The following SETDB2 variants were observed in gnomAD, a reference collection of about 807,000 sequenced individuals.
The protein encoded by SETDB2 is SET domain bifurcated histone lysine methyltransferase 2.
In SETDB2, 56 loss-of-function variants were observed where a neutral mutation model predicts 82.5. That is an observed-to-expected ratio of 0.68 (90% CI 0.55 to 0.85). The LOEUF (loss-of-function observed/expected upper bound fraction) is 0.85. Among genes scored for constraint, SETDB2 ranks in the 40% least tolerant of loss-of-function variants. The probability of loss-of-function intolerance (pLI) is 0.00; values close to 1 mark genes in which losing one functional copy is unlikely to be tolerated. For synonymous variants in SETDB2, 272 were observed against 284.9 expected, an observed-to-expected ratio of 0.95 and a Z score of 0.46; for missense variants, 677 against 816.4, an observed-to-expected ratio of 0.83 and a Z score of 2.08.
chr13:49,476,761 G>A lies in SETDB2; in HGVS notation c.591G>A (p.Leu197=), dbSNP rs749995727. 1 of 1,614,094 alleles carries A rather than the reference G, an allele frequency of 6.2e-7. No homozygotes were observed. The highest frequency in any genetic ancestry group is 1.1e-5 in the South Asian group (1 of 91,080). Residue 197 remains leucine (L), a synonymous_variant, in exon 6 of 14, where the codon CTG becomes CTA. Transcript: ENST00000611815. ...LRNVEEVFRY[L]LETECNFLFT... is the part of the protein sequence containing the mutation. ...ACGTGGAGGAAGTTTTTCGTTACCT[G>A]CTTGAGACAGAGTGTAACTTTTTAT...
In SETDB2 at chr13:49,492,865, G is replaced by A. The variant is rs1958739135; in HGVS notation, c.*1016G>A. 1 of 152,108 alleles carries A rather than the reference G, an allele frequency of 6.6e-6. No homozygotes were observed. The highest frequency in any genetic ancestry group is 2.4e-5 in the African/African-American group (1 of 41,394). 9.4% of individuals were successfully genotyped at this position (152,108 alleles called of 1,614,324 possible). On this transcript the variant is annotated 3_prime_UTR_variant, in exon 14 of 14. Coordinates refer to ENST00000611815, the MANE Select transcript of SETDB2 (RefSeq NM_001160308.3). ...TCTCAGCTACTCAGGAGTGAGGTGG[G>A]AGGATCATTTGAGCTCAGAAGGTCA...
intron 12 of SETDB2, chr13:49,488,871 A>T (rs1958646209): frequency 5.0e-6 from 2 of 403,906 alleles, no homozygotes; most frequent in Admixed American, 8.6e-5. Context: ...ATTAACATTA[A>T]GTGCTTAGAA....
intron 6 of SETDB2, 31 bp from the exon 7 acceptor site, chr13:49,480,188 A>G (rs1368278928): frequency 6.9e-7 from 1 of 1,440,302 alleles, no homozygotes; most frequent in Admixed American, 2.0e-5. Context: ...CTGCTTTTTC[A>G]TTCTTTCTCC....
chr13:49,488,812 A>G (rs9568221), intron 12 of SETDB2, among the ~76,000 whole-genome samples, 182 bp downstream of exon 12: 17,312 of 152,278 alleles, frequency 0.11, 1,110 homozygotes, highest in Admixed American at 0.17. Context: ...TACCTCTGTA[A>G]TACAGGGATA....
At chr13:49,477,815 A>T (rs1200285230) in intron 6 of SETDB2, among the ~76,000 whole-genome samples, 1 of 152,254 alleles carries the variant, frequency 6.6e-6, no homozygotes, top group East Asian at 1.9e-4. Flanking sequence ...ATTGGGTTAT[A>T]TGTTGCATTT....
intron 3 of SETDB2, among the ~76,000 whole-genome samples, chr13:49,460,636 C>A (rs1957973965): frequency 8.1e-6 from 1 of 124,220 alleles, no homozygotes; most frequent in Non-Finnish European, 2.0e-5. Flanking sequence ...GTTCAGTAAT[C>A]CAAGTTTTTA....
intron 1 of SETDB2, chr13:49,446,522 A>G (rs970504392): frequency 5.5e-6 from 2 of 361,026 alleles, no homozygotes; most frequent in Non-Finnish European, 1.1e-5. Flanking sequence ...GAATATATAC[A>G]TTTGTAATTT....
rs747092267 is a variant in SETDB2 at position 49,485,644 on chromosome 13, G to T, written c.1497G>T (p.Ser499=). The stretch of plus-strand genomic sequence containing the variant: ...GTTTTTTTAAGGAATTTGTTTCCTC[G>T]GAGTCTGTCACTCCAGAAGATAATG... ...HNGKKMEFVS[S]ESVTPEDNDG... The change falls in exon 11 of 14, where the codon TCG becomes TCT. Residue 499 remains serine, a synonymous_variant. Coordinates refer to ENST00000611815, the MANE Select transcript of SETDB2 (RefSeq NM_001160308.3). 1 of 1,611,346 alleles carries T rather than the reference G, an allele frequency of 6.2e-7. No homozygotes were observed. Among genetic ancestry groups the T allele is most frequent in the Non-Finnish European group, 8.5e-7 (1 of 1,179,090 alleles).
intron 12 of SETDB2, among the ~76,000 whole-genome samples, chr13:49,489,984 A>G (rs1457274913): frequency 2.2e-5 from 3 of 133,896 alleles, no homozygotes; most frequent in Non-Finnish European, 3.1e-5. Context: ...TCAAATTAAC[A>G]GTATATTGGG....
intron 4 of SETDB2, among the ~76,000 whole-genome samples, 182 bp downstream of exon 4, chr13:49,461,344 A>G (rs1295454112): frequency 6.6e-6 from 1 of 152,252 alleles, no homozygotes; most frequent in Non-Finnish European, 1.5e-5. Context: ...ATCTAGAGAT[A>G]GTAAATGCAC....
chr13:49,452,111 T>C (rs1369173439), intron 2 of SETDB2, among the ~76,000 whole-genome samples: 1 of 126,652 alleles, frequency 7.9e-6, no homozygotes, highest in African/African-American at 3.6e-5. Context: ...TTTTGTAAAC[T>C]TTTTTTTTTT....
intron 11 of SETDB2, among the ~76,000 whole-genome samples, chr13:49,487,674 A>G (rs1432375097): frequency 6.6e-6 from 1 of 152,170 alleles, no homozygotes. Context: ...TCAAAAAATT[A>G]TTTTCCTTAT....
At chr13:49,481,173 T>C (rs1227817046) in intron 8 of SETDB2, 57 bp downstream of exon 8, 4 of 1,531,976 alleles carry the variant, frequency 2.6e-6, no homozygotes, top group East Asian at 4.5e-5. Context: ...TTTCTAAATA[T>C]CCATTTTCCT....
Position 49,483,446 on chromosome 13 carries a change from CTTTT to C in SETDB2, c.1383-13_1383-10del. The C allele has an allele frequency of 9.2e-7, 1 of 1,082,664 alleles. No homozygotes were observed. Among genetic ancestry groups the C allele is most frequent in the Non-Finnish European group, 1.3e-6 (1 of 755,464 alleles). The allele number at this position is 1,082,664 out of a possible 1,614,324, so 67.1% of individuals were successfully genotyped here. On this transcript the variant is annotated splice_polypyrimidine_tract_variant and intron_variant, in intron 9 of 13. Transcript: ENST00000611815. ...GAGAATTTTTAGTGATACAGAATAA[CTTTT>C]TTTTCCTTTTTAGGGAAACGAAATA... is the stretch of plus-strand genomic sequence containing the variant.
intron 12 of SETDB2, 149 bp downstream of exon 12, chr13:49,488,779 T>G: frequency 1.6e-6 from 1 of 624,510 alleles, no homozygotes. Flanking sequence ...GATGTTTTAC[T>G]TGACCTCTGA....
intron 1 of SETDB2, among the ~76,000 whole-genome samples, chr13:49,448,475 A>G (rs1234677215): frequency 3.3e-5 from 5 of 152,192 alleles, no homozygotes; most frequent in Non-Finnish European, 7.4e-5. Context: ...AGGCTTTGAA[A>G]TGTATTACTT....
intron 6 of SETDB2, among the ~76,000 whole-genome samples, chr13:49,477,857 A>G (rs982040365): frequency 6.6e-6 from 1 of 152,252 alleles, no homozygotes; most frequent in Non-Finnish European, 1.5e-5. Context: ...GGCTAATGTG[A>G]TGCTTATAAC....
At chr13:49,452,294 G>C (rs770906642) in intron 2 of SETDB2, among the ~76,000 whole-genome samples, 1 of 151,950 alleles carries the variant, frequency 6.6e-6, no homozygotes, top group African/African-American at 2.4e-5. Context: ...TGTATTTTTA[G>C]TAGAGATGGG....
rs751449142 is a variant in SETDB2 at position 49,483,002 on chromosome 13, T to C, written c.1382+40T>C. On this transcript the variant is annotated intron_variant, in intron 9 of 13. Transcript: ENST00000611815. ...AGGAACCCAGAGTAAATCTAAATTA[T>C]TATCAATCAATTGGTTCTTTTTCAT... 7 of 1,223,992 alleles carry C rather than the reference T, an allele frequency of 5.7e-6. 1 individual carries two copies. In the Admixed American group the frequency reaches 1.4e-4, roughly 25 times the overall value. 75.8% of individuals were successfully genotyped at this position (1,223,992 alleles called of 1,614,324 possible).
Sources: allele counts gnomAD v4.1 joint callset (sites outside exome capture counted in the v4.1 genomes callset), GRCh38; gene constraint gnomAD v4.1.1; transcripts MANE v1.5; gene names NCBI Gene and HGNC (gene_info 2026-07-23, HGNC 2026-07-21).